Variants in KIAA1671 observed in about 807,000 individuals in gnomAD.
KIAA1671 encodes the protein uncharacterized protein KIAA1671.
KIAA1671 carries 52 observed loss-of-function variants against 131.2 expected under a neutral mutation model. The ratio of observed to expected loss-of-function variants is 0.40; its 90% confidence interval spans 0.32 to 0.50. The LOEUF (loss-of-function observed/expected upper bound fraction) is 0.50, where lower values mean the gene tolerates loss of function less well. KIAA1671 is among the 20% of genes least tolerant of loss of function. KIAA1671 has a pLI of 0.73. For synonymous variants in KIAA1671, 1,003 were observed against 961.6 expected (o/e 1.04, Z -0.80); for missense variants, 2,360 against 2,364.2 (o/e 1.00, Z 0.04).
At chr22:25,069,322 T>C (rs184055923) in intron 6 of KIAA1671, among the ~76,000 whole-genome samples, 140 of 152,340 alleles carry the variant, frequency 9.2e-4, no homozygotes, top group Middle Eastern at 6.8e-3. Flanking sequence ...ATGAGGTGAC[T>C]TGCTAAAATC....
At chr22:25,070,676 C>T (rs1024712231) in intron 6 of KIAA1671, among the ~76,000 whole-genome samples, 2 of 151,782 alleles carry the variant, frequency 1.3e-5, no homozygotes, top group African/African-American at 4.9e-5. Flanking sequence ...GGGCTTTCCT[C>T]CAGTCCTCAA....
Position 25,192,652 on chromosome 22 carries a change from T to G in KIAA1671, c.*251T>G, listed in dbSNP as rs1166495360. 6.6e-6 allele frequency: 1 copy of G among 152,254 alleles called. No individual in the cohort carries two copies. Among genetic ancestry groups the G allele is most frequent in the Non-Finnish European group, 1.5e-5 (1 of 68,048 alleles). 9.4% of individuals were successfully genotyped at this position (152,254 alleles called of 1,614,324 possible). The stretch of plus-strand genomic sequence containing the variant: ...CTTCAGGCTGGGAAAGGAGCCAGGC[T>G]GCCCAGAAACGTCCATGTGGGTGGT... On this transcript the variant is annotated 3_prime_UTR_variant, in exon 13 of 13. Coordinates refer to ENST00000358431, the MANE Select transcript of KIAA1671 (RefSeq NM_001145206.2).
intron 6 of KIAA1671, among the ~76,000 whole-genome samples, chr22:25,097,323 A>G (rs1930437688): frequency 6.6e-6 from 1 of 152,198 alleles, no homozygotes; most frequent in Non-Finnish European, 1.5e-5. Flanking sequence ...TGAAAGTAAC[A>G]AAGACCCCCA....
intron 6 of KIAA1671, among the ~76,000 whole-genome samples, chr22:25,141,599 T>C (rs1932808352): frequency 1.3e-5 from 2 of 152,192 alleles, no homozygotes; most frequent in Admixed American, 6.5e-5. Context: ...TTATATTTTA[T>C]AGTGAAAAAT....
At position 25,184,961 on chromosome 22, in the gene KIAA1671, T is replaced by G. The variant is rs1328375131; in HGVS notation, c.5200-16T>G. On this transcript the variant is annotated splice_polypyrimidine_tract_variant and intron_variant, in intron 10 of 12. Coordinates refer to ENST00000358431, the MANE Select transcript of KIAA1671 (RefSeq NM_001145206.2). Reference sequence around the variant, plus strand: ...ACAAAGGGCAGCTTATAGACTCAGCTCTCTTTTCTCCCCAGGCTCAGCTGC... The same window carrying G: ...ACAAAGGGCAGCTTATAGACTCAGCGCTCTTTTCTCCCCAGGCTCAGCTGC... 6.4e-7 allele frequency: 1 copy of G among 1,550,904 alleles called. No individual in the cohort carries two copies. The highest frequency in any genetic ancestry group is 1.4e-5 in the African/African-American group (1 of 73,080).
intron 6 of KIAA1671, among the ~76,000 whole-genome samples, chr22:25,074,514 A>AAAAAAAAAAAAAAAAAG (rs59411918): frequency 3.1e-4 from 36 of 117,420 alleles, no homozygotes; most frequent in Non-Finnish European, 3.9e-4. Flanking sequence ...AAAAAAAAAA[A>AAAAAAAAAAAAAAAAAG]AAAGAAAGAA....
intron 6 of KIAA1671, among the ~76,000 whole-genome samples, chr22:25,140,687 G>A (rs553437657): frequency 5.3e-5 from 8 of 152,334 alleles, no homozygotes; most frequent in African/African-American, 1.4e-4. Context: ...CGTGAGGGTC[G>A]ATGCCAGAGA....
At chr22:25,103,602 C>T (rs185041203) in intron 6 of KIAA1671, among the ~76,000 whole-genome samples, 1 of 152,346 alleles carries the variant, frequency 6.6e-6, no homozygotes, top group African/African-American at 2.4e-5. Context: ...TCGTGATCTG[C>T]CTGCCTCAGC....
chr22:25,166,015 G>T (rs1000253675), intron 6 of KIAA1671, among the ~76,000 whole-genome samples: 1 of 152,338 alleles, frequency 6.6e-6, no homozygotes, highest in East Asian at 1.9e-4. Context: ...GGAGGGACGT[G>T]GGGGGCTGTG....
chr22:25,096,202 A>T (rs1392067800), intron 6 of KIAA1671, among the ~76,000 whole-genome samples: 1 of 152,206 alleles, frequency 6.6e-6, no homozygotes, highest in Admixed American at 6.5e-5. Flanking sequence ...TCGACACACC[A>T]ACTCTAGCAT....
intron 1 of KIAA1671, among the ~76,000 whole-genome samples, chr22:24,964,621 G>T (rs139687792): frequency 6.6e-6 from 1 of 152,164 alleles, no homozygotes; most frequent in African/African-American, 2.4e-5. Flanking sequence ...CAGGATCTTG[G>T]TATGTTGCCC....
chr22:25,043,264 C>T (rs1292361174), intron 5 of KIAA1671, among the ~76,000 whole-genome samples: 1 of 152,186 alleles, frequency 6.6e-6, no homozygotes, highest in African/African-American at 2.4e-5. Flanking sequence ...AAATATCTAT[C>T]AGTGAGGCTC....
chr22:25,180,708 G>C lies in KIAA1671; in HGVS notation c.5075-991G>C, dbSNP rs553804558. Among the ~76,000 whole-genome samples the C allele has an allele frequency of 2.0e-5, 3 of 152,330 alleles. No homozygotes were observed. The East Asian group carries it at 5.8e-4, about 29-fold the overall frequency. On this transcript the variant is annotated intron_variant, in intron 9 of 12. Transcript: ENST00000358431. The stretch of plus-strand genomic sequence containing the variant: ...AGGATGTCAGACCAGGCTCTGAGCT[G>C]AGTGAGGGGCATTGCTTCTGACCAG...
chr22:25,143,496 G>A (rs1201631922), intron 6 of KIAA1671, among the ~76,000 whole-genome samples: 7 of 152,174 alleles, frequency 4.6e-5, no homozygotes, highest in Admixed American at 4.6e-4. Context: ...ACAGTCCAGG[G>A]TCTGTCTTTC....
chr22:25,180,588 T>G (rs1031186413), intron 9 of KIAA1671, among the ~76,000 whole-genome samples: 2 of 152,152 alleles, frequency 1.3e-5, no homozygotes, highest in Admixed American at 1.3e-4. Flanking sequence ...CTAGAGCAGC[T>G]GACCTGCCCA....
At chr22:25,179,438 T>A in intron 9 of KIAA1671, 1 of 1,613,424 alleles carries the variant, frequency 6.2e-7, no homozygotes, top group Admixed American at 1.7e-5. Flanking sequence ...CCATTTGTAG[T>A]TGAGCTTCTC....
In KIAA1671 at chr22:25,028,129, C is replaced by G; in HGVS notation, c.130C>G (p.Pro44Ala). ...GGCCGGCGAAGCCTCTGGGGCTCCC[C>G]CAGCCCGGATCTTGGAAGCGAAGAG... Reference protein sequence around the residue: ...LQAGEASGAPPARILEAKSPL... With the variant: ...LQAGEASGAPAARILEAKSPL... Residue 44 changes from proline to alanine, a missense_variant, in exon 3 of 13, where the codon CCA (proline) becomes GCA (alanine). Around this residue, in one of 3 missense-constraint regions of KIAA1671, gnomAD observed 1,185 missense variants for 1,126.2 expected, o/e 1.05. Transcript: ENST00000358431. The G allele has an allele frequency of 6.4e-7, 1 of 1,551,268 alleles. No homozygotes were observed. Among genetic ancestry groups the G allele is most frequent in the Non-Finnish European group, 8.7e-7 (1 of 1,146,788 alleles).
intron 1 of KIAA1671, chr22:25,024,466 G>A (rs1925829402): frequency 6.6e-6 from 1 of 152,172 alleles, no homozygotes; most frequent in South Asian, 2.1e-4. Context: ...CCTCTGGCTT[G>A]TGAAACTGAT....
intron 12 of KIAA1671, among the ~76,000 whole-genome samples, chr22:25,192,189 C>A (rs1027782340): frequency 5.9e-5 from 9 of 152,094 alleles, no homozygotes; most frequent in Admixed American, 1.3e-4. Flanking sequence ...GGAACCCTGA[C>A]CTGACCCTAA....
Sources: gnomAD v4.1 joint callset for allele counts (sites outside exome capture counted in the v4.1 genomes callset) on GRCh38, gnomAD v4.1.1 for gene constraint, gnomAD v4.1.1 regional missense constraint, MANE v1.5 for transcripts, NCBI Gene and HGNC (gene_info 2026-07-23, HGNC 2026-07-21) for gene names.